The following TANC2 variants were observed in gnomAD, a reference collection of about 807,000 sequenced individuals.
TANC2 encodes tetratricopeptide repeat, ankyrin repeat and coiled-coil containing 2, also known as protein TANC2.
TANC2 carries 26 observed loss-of-function variants against 210.5 expected under a neutral mutation model. That is an observed-to-expected ratio of 0.12 (90% CI 0.09 to 0.17). The LOEUF is 0.17. Among genes scored for constraint, TANC2 ranks in the 10% least tolerant of loss-of-function variants. TANC2 has a pLI of 1.00. For missense variants in TANC2, 2,129 were observed against 2,608.9 expected, an observed-to-expected ratio of 0.82 and a Z score of 4.01; for synonymous variants, 931 against 967.1, an observed-to-expected ratio of 0.96 and a Z score of 0.69.
At chr17:63,043,764 C>A (rs896423252) in intron 2 of TANC2, among the ~76,000 whole-genome samples, 1 of 152,096 alleles carries the variant, frequency 6.6e-6, no homozygotes, top group Non-Finnish European at 1.5e-5. Flanking sequence ...AATCCCTTTT[C>A]AATCATTTAG....
At position 63,379,842 on chromosome 17, in the gene TANC2, G is replaced by A; in HGVS notation, c.2691+16G>A. ...CATTTTTAAGGTAATTAAAGCAGTTGGAACCATTTTTCCGCCATCTCTAGC... is the reference window on the plus strand; with the variant it reads ...CATTTTTAAGGTAATTAAAGCAGTTAGAACCATTTTTCCGCCATCTCTAGC... On this transcript the variant is annotated intron_variant, in intron 15 of 27. Transcript: ENST00000689528. 1 of 1,600,650 alleles carries A rather than the reference G, an allele frequency of 6.2e-7. No homozygotes were observed. Among genetic ancestry groups the A allele is most frequent in the Non-Finnish European group, 8.5e-7 (1 of 1,170,678 alleles).
intron 9 of TANC2, among the ~76,000 whole-genome samples, chr17:63,313,927 C>T (rs754140673): frequency 2.6e-5 from 4 of 152,156 alleles, no homozygotes; most frequent in Admixed American, 6.5e-5. Flanking sequence ...AGAGCTGCTA[C>T]GGTAAGCTGT....
At chr17:63,375,073 G>A (rs979573740) in intron 14 of TANC2, among the ~76,000 whole-genome samples, 2 of 152,188 alleles carry the variant, frequency 1.3e-5, no homozygotes, top group Admixed American at 1.3e-4. Flanking sequence ...GTTTGATAGT[G>A]ATGGAGGTGG....
chr17:63,384,030 C>T lies in TANC2; in HGVS notation c.2691+4204C>T, dbSNP rs2047697257. Among the ~76,000 whole-genome samples, 5 of 152,074 alleles carry T rather than the reference C, an allele frequency of 3.3e-5. No homozygotes were observed. The South Asian group carries it at 1.0e-3, about 31-fold the overall frequency. Reference sequence around the variant, plus strand: ...CAGACTGAGTTCAAACCCTGTCTCTCTTAATTCCTGACTGTATGACTTTAA... The same window carrying T: ...CAGACTGAGTTCAAACCCTGTCTCTTTTAATTCCTGACTGTATGACTTTAA... On this transcript the variant is annotated intron_variant, in intron 15 of 27. Transcript: ENST00000689528.
intron 17 of TANC2, 114 bp downstream of exon 17, chr17:63,389,658 A>C: frequency 9.6e-7 from 1 of 1,036,442 alleles, no homozygotes; most frequent in South Asian, 1.4e-5. Flanking sequence ...TCAAACCATG[A>C]TGGAGAGGAG....
chr17:63,221,282 A>C (rs2042181474), intron 7 of TANC2, among the ~76,000 whole-genome samples: 1 of 151,862 alleles, frequency 6.6e-6, no homozygotes. Flanking sequence ...AAAAATAAAA[A>C]AATTAGCCAG....
intron 7 of TANC2, among the ~76,000 whole-genome samples, chr17:63,225,213 A>G (rs2042297720): frequency 6.6e-6 from 1 of 152,150 alleles, no homozygotes; most frequent in African/African-American, 2.4e-5. Context: ...AATGATTGTT[A>G]GTTCTTATTA....
intron 7 of TANC2, among the ~76,000 whole-genome samples, chr17:63,215,393 C>A (rs192545502): frequency 1.3e-5 from 2 of 152,112 alleles, no homozygotes; most frequent in Admixed American, 1.3e-4. Context: ...TCCTAAATAC[C>A]TTTGAATTTT....
At chr17:63,291,636 TTAAAA>T (rs1417723486) in intron 9 of TANC2, among the ~76,000 whole-genome samples, 1 of 152,190 alleles carries the variant, frequency 6.6e-6, no homozygotes, top group Non-Finnish European at 1.5e-5. Flanking sequence ...AGATTATCCA[TTAAAA>T]TAAAAGCAAA....
chr17:63,182,988 A>G (rs1421901945), intron 5 of TANC2, among the ~76,000 whole-genome samples: 1 of 152,236 alleles, frequency 6.6e-6, no homozygotes, highest in Non-Finnish European at 1.5e-5. Context: ...CATTGTGCCT[A>G]ATCTAGAGTA....
chr17:63,148,131 A>G (rs1459093766), intron 4 of TANC2: 1 of 152,248 alleles, frequency 6.6e-6, no homozygotes, highest in Non-Finnish European at 1.5e-5. Flanking sequence ...TGAATGAAAT[A>G]GGACTCTAAT....
chr17:63,238,941 C>G (rs2042697571), intron 8 of TANC2, among the ~76,000 whole-genome samples: 1 of 152,040 alleles, frequency 6.6e-6, no homozygotes, highest in Admixed American at 6.6e-5. Flanking sequence ...CCCCCATGAT[C>G]CAATCACCTC....
In TANC2 at chr17:62,966,666, CGCCGGCGGGCGGCGCGGTCCTCA is replaced by C. The variant is rs2031352963; in HGVS notation, c.-106_-84del. Among the ~76,000 whole-genome samples the C allele has an allele frequency of 6.6e-6, 1 of 151,430 alleles. No individual in the cohort carries two copies. Among genetic ancestry groups the C allele is most frequent in the Admixed American group, 6.6e-5 (1 of 15,248 alleles). ...GAGGTGCTCCGGGAATCGCGGGCGG[CGCCGGCGGGCGGCGCGGTCCTCA>C]CAGGAGACCCCGGGGACTGGGGCTT... is the stretch of plus-strand genomic sequence containing the variant. On this transcript the variant is annotated 5_prime_UTR_variant, in exon 1 of 28. Transcript: ENST00000689528. This position sits in a 1 kb window ranked among gnomAD's most constrained non-coding sequence, Gnocchi z 5.1.
At chr17:63,101,424 C>T (rs1218834149) in intron 4 of TANC2, among the ~76,000 whole-genome samples, 1 of 152,172 alleles carries the variant, frequency 6.6e-6, no homozygotes, top group African/African-American at 2.4e-5. Flanking sequence ...ATATTACCAA[C>T]CAAACTGAAT....
intron 2 of TANC2, among the ~76,000 whole-genome samples, chr17:63,018,029 G>A (rs73339693): frequency 0.039 from 5,970 of 152,068 alleles, 415 homozygotes; most frequent in African/African-American, 0.14. Flanking sequence ...TCCTAGTGAG[G>A]CAGGAGAATC....
Position 63,350,877 on chromosome 17 carries a change from A to G in TANC2, c.1808-373A>G, listed in dbSNP as rs777084866. Among the ~76,000 whole-genome samples, 91 of 31,972 alleles carry G rather than the reference A, an allele frequency of 2.8e-3. 1 individual carries two copies. Among genetic ancestry groups the G allele is most frequent in the Admixed American group, 9.4e-3 (40 of 4,260 alleles). The allele number at this position is 31,972 out of a possible 152,430, so 21.0% of individuals were successfully genotyped here. Reference sequence around the variant, plus strand: ...TTCTCTTTAATGCTGTCAGATAGGGAAAAAAAAAAAAAAAAAACAGAACAT... The same window carrying G: ...TTCTCTTTAATGCTGTCAGATAGGGGAAAAAAAAAAAAAAAAACAGAACAT... On this transcript the variant is annotated intron_variant, in intron 12 of 27. Coordinates refer to ENST00000689528, the Ensembl canonical transcript of TANC2.
intron 17 of TANC2, chr17:63,391,069 A>G (rs1036837862): frequency 6.6e-6 from 1 of 152,076 alleles, no homozygotes; most frequent in Admixed American, 6.6e-5. Context: ...CTCCTCCTCT[A>G]CACTCTTAAC....
At chr17:63,218,546 C>G (rs2042083848) in intron 7 of TANC2, among the ~76,000 whole-genome samples, 1 of 151,898 alleles carries the variant, frequency 6.6e-6, no homozygotes, top group South Asian at 2.1e-4. Context: ...TCACTATTTC[C>G]AGACATGATA....
chr17:63,415,616 T>G, exon 26 of TANC2: 1 of 1,613,454 alleles, frequency 6.2e-7, no homozygotes, highest in African/African-American at 1.3e-5. Context: ...TTGAAAACTT[T>G]CCGGGAACTA....
Sources: gnomAD v4.1 joint callset for allele counts (sites outside exome capture counted in the v4.1 genomes callset) on GRCh38, gnomAD v4.1.1 for gene constraint, Gnocchi (gnomAD v3.1) non-coding constraint, MANE v1.5 for transcripts, NCBI Gene and HGNC (gene_info 2026-07-23, HGNC 2026-07-21) for gene names.